The following MRGPRX3 variants were observed in gnomAD, a reference collection of about 807,000 sequenced individuals.
MRGPRX3 encodes the protein MAS related GPR family member X3.
MRGPRX3 carries 14 observed loss-of-function variants against 16.5 expected under a neutral mutation model. The observed-to-expected ratio is 0.85, with a 90% confidence interval of 0.56 to 1.33. The LOEUF is 1.33. Ranked by LOEUF, MRGPRX3 falls within the 40% of genes most tolerant of loss-of-function variation. MRGPRX3 has a pLI of 0.00. For synonymous variants in MRGPRX3, 199 were observed against 180.1 expected (o/e 1.10, Z -0.84); for missense variants, 449 against 413.0 (o/e 1.09, Z -0.76).
intron 1 of MRGPRX3, among the ~76,000 whole-genome samples, chr11:18,124,099 G>C (rs1453180749): frequency 1.3e-5 from 2 of 152,188 alleles, no homozygotes; most frequent in Non-Finnish European, 2.9e-5. Flanking sequence ...CTGAGACGAT[G>C]AGGTTTTCTA....
upstream of MRGPRX3, among the ~76,000 whole-genome samples, chr11:18,128,184 G>A (rs899003657): frequency 8.5e-5 from 13 of 152,356 alleles, no homozygotes; most frequent in Admixed American, 2.0e-4. Context: ...TGCCCCTACT[G>A]GGGGTGCCTC....
intron 1 of MRGPRX3, among the ~76,000 whole-genome samples, chr11:18,135,067 C>T (rs150355755): frequency 2.0e-4 from 30 of 152,280 alleles, no homozygotes; most frequent in Admixed American, 4.6e-4. Context: ...ACTGGAGTCT[C>T]GTGCAGGACT....
chr11:18,133,700 C>A (rs1235773202), intron 1 of MRGPRX3, among the ~76,000 whole-genome samples: 1 of 152,196 alleles, frequency 6.6e-6, no homozygotes, highest in Non-Finnish European at 1.5e-5. Context: ...AGCTGCTATG[C>A]TTCTTGTACA....
At chr11:18,122,352 G>A (rs1848848790) in intron 1 of MRGPRX3, among the ~76,000 whole-genome samples, 1 of 151,694 alleles carries the variant, frequency 6.6e-6, no homozygotes, top group East Asian at 1.9e-4. Flanking sequence ...TCCCTCCCAC[G>A]ACAGGCCCCA....
At chr11:18,134,049 C>T (rs1472539628) in intron 1 of MRGPRX3, among the ~76,000 whole-genome samples, 1 of 152,238 alleles carries the variant, frequency 6.6e-6, no homozygotes, top group Non-Finnish European at 1.5e-5. Flanking sequence ...CTGGGGCTTT[C>T]TCTATCTGAT....
At chr11:18,134,220 T>G (rs1264708683) in intron 1 of MRGPRX3, among the ~76,000 whole-genome samples, 1 of 152,240 alleles carries the variant, frequency 6.6e-6, no homozygotes, top group Non-Finnish European at 1.5e-5. Flanking sequence ...AATATAAGTT[T>G]GGCTGATCTA....
intron 1 of MRGPRX3, among the ~76,000 whole-genome samples, chr11:18,126,187 T>C (rs2134080275): frequency 6.6e-6 from 1 of 152,316 alleles, no homozygotes; most frequent in Non-Finnish European, 1.5e-5. Context: ...ATTTAGCCCA[T>C]TTAAATTTAA....
chr11:18,128,120 G>A (rs1564880054), upstream of MRGPRX3, among the ~76,000 whole-genome samples: 3 of 152,202 alleles, frequency 2.0e-5, no homozygotes, highest in Non-Finnish European at 4.4e-5. Flanking sequence ...CTGCCTGATC[G>A]TTCCTCTGGA....
chr11:18,137,120 G>T, intron 1 of MRGPRX3, 58 bp from the exon 2 acceptor site: 2 of 1,475,328 alleles, frequency 1.4e-6, no homozygotes, highest in Non-Finnish European at 1.8e-6. Context: ...ACATGGCAGG[G>T]TGGTGGGGAG....
intron 1 of MRGPRX3, among the ~76,000 whole-genome samples, chr11:18,136,307 C>T (rs1371006037): frequency 1.3e-5 from 2 of 152,152 alleles, no homozygotes; most frequent in African/African-American, 4.8e-5. Flanking sequence ...CAGCTCAGAC[C>T]CACACCCTAC....
At chr11:18,131,005 T>C (rs1564880678), upstream of MRGPRX3, among the ~76,000 whole-genome samples, 1 of 152,146 alleles carries the variant, frequency 6.6e-6, no homozygotes, top group Non-Finnish European at 1.5e-5. Flanking sequence ...AACTGGATCC[T>C]TGTCTCTCAC....
chr11:18,130,021 G>C (rs1848945042), upstream of MRGPRX3, among the ~76,000 whole-genome samples: 2 of 152,068 alleles, frequency 1.3e-5, no homozygotes, highest in South Asian at 4.1e-4. Context: ...ACATAGAAAG[G>C]ACATACCTTA....
intron 1 of MRGPRX3, among the ~76,000 whole-genome samples, chr11:18,136,404 G>A (rs1849007846): frequency 6.6e-6 from 1 of 152,168 alleles, no homozygotes. Flanking sequence ...GTCAATTTCA[G>A]GTTTTGGGCA....
chr11:18,132,484 G>T (rs1467909106), upstream of MRGPRX3: 1 of 152,226 alleles, frequency 6.6e-6, no homozygotes, highest in African/African-American at 2.4e-5. Context: ...CAGAGGCCAA[G>T]AATCATCTCA....
intron 1 of MRGPRX3, among the ~76,000 whole-genome samples, chr11:18,124,027 C>T (rs552464935): frequency 7.9e-5 from 12 of 152,246 alleles, no homozygotes; most frequent in Non-Finnish European, 1.6e-4. Context: ...TTGATTTTTG[C>T]ACATTGATTT....
chr11:18,131,898 A>T (rs1848963940), upstream of MRGPRX3, among the ~76,000 whole-genome samples: 1 of 151,952 alleles, frequency 6.6e-6, no homozygotes, highest in African/African-American at 2.4e-5. Flanking sequence ...AACTCTGGGG[A>T]CTTGAGGGGA....
intron 1 of MRGPRX3, among the ~76,000 whole-genome samples, chr11:18,135,737 T>C (rs1158052419): frequency 6.6e-6 from 1 of 152,162 alleles, no homozygotes; most frequent in East Asian, 1.9e-4. Flanking sequence ...TCCTCTACTT[T>C]ACCCCCCTCT....
chr11:18,132,087 T>A (rs960725361), upstream of MRGPRX3, among the ~76,000 whole-genome samples: 2 of 152,218 alleles, frequency 1.3e-5, no homozygotes, highest in African/African-American at 4.8e-5. Flanking sequence ...TGATTTAATT[T>A]CACAGAATTT....
chr11:18,130,666 AC>A (rs1316664712), upstream of MRGPRX3, among the ~76,000 whole-genome samples: 6 of 150,310 alleles, frequency 4.0e-5, no homozygotes, highest in African/African-American at 1.5e-4. Flanking sequence ...CTAGAAAAAA[AC>A]AATTCTAAAA....
Sources: allele counts gnomAD v4.1 joint callset (sites outside exome capture counted in the v4.1 genomes callset), GRCh38; gene constraint gnomAD v4.1.1; transcripts MANE v1.5; gene names NCBI Gene and HGNC (gene_info 2026-07-23, HGNC 2026-07-21).